Variants in ZER1 observed in about 807,000 individuals in gnomAD.
The protein encoded by ZER1 is zyg-11 related cell cycle regulator, also known as protein zer-1 homolog.
ZER1 carries 11 observed loss-of-function variants against 78.8 expected under a neutral mutation model. That is an observed-to-expected ratio of 0.14 (90% CI 0.09 to 0.23). The LOEUF (loss-of-function observed/expected upper bound fraction) is 0.23, where lower values mean the gene tolerates loss of function less well. Ranked by LOEUF, ZER1 falls within the 10% of genes least tolerant of loss-of-function variation. ZER1 has a pLI of 1.00. For synonymous variants in ZER1, 400 were observed against 407.0 expected (o/e 0.98, Z 0.21); for missense variants, 588 against 996.9 (o/e 0.59, Z 5.52).
Position 128,752,860 on chromosome 9 carries a change from G to C in ZER1, c.747-11C>G. The stretch of plus-strand genomic sequence containing the variant: ...GAGATGTCCAGGTGTCTGAAGATTG[G>C]GGTAGGGGGTGCAGGTTAGGAGCTG... On this transcript the variant is annotated splice_polypyrimidine_tract_variant and intron_variant, in intron 4 of 15. Coordinates refer to ENST00000291900, the MANE Select transcript of ZER1 (RefSeq NM_006336.4). 6.2e-7 allele frequency: 1 copy of C among 1,611,478 alleles called. No individual in the cohort carries two copies. Among genetic ancestry groups the C allele is most frequent in the Non-Finnish European group, 8.5e-7 (1 of 1,178,542 alleles).
chr9:128,756,349 G>A (rs1863858893), intron 1 of ZER1, among the ~76,000 whole-genome samples: 1 of 152,194 alleles, frequency 6.6e-6, no homozygotes, highest in Non-Finnish European at 1.5e-5. Context: ...GGGAGGCTGA[G>A]GCAGGAGAAT....
intron 1 of ZER1, among the ~76,000 whole-genome samples, chr9:128,765,832 G>A (rs1265985467): frequency 6.6e-6 from 1 of 152,180 alleles, no homozygotes; most frequent in African/African-American, 2.4e-5. Context: ...GACGCCACCT[G>A]GCTCTGAAAA....
In ZER1 at chr9:128,742,675, C is replaced by T. The variant is rs767251280; in HGVS notation, c.1430G>A (p.Arg477Gln). 8 of 1,614,058 alleles carry T rather than the reference C, an allele frequency of 5.0e-6. No homozygotes were observed. The highest frequency in any genetic ancestry group is 1.7e-5 in the Admixed American group (1 of 60,004). The change falls in exon 9 of 16, where the codon CGG becomes CAG. Residue 477 changes from arginine to glutamine, a missense_variant. Coordinates refer to ENST00000291900, the MANE Select transcript of ZER1 (RefSeq NM_006336.4). Reference protein sequence around the residue: ...IPEELEFQYRRVNELLLSILN... With the variant: ...IPEELEFQYRQVNELLLSILN... ...GATGCTGAGCAGGAGCTCGTTGACCCGGCGGTACTGGAATTCCAGCTCCTC... is the reference window on the plus strand; with the variant it reads ...GATGCTGAGCAGGAGCTCGTTGACCTGGCGGTACTGGAATTCCAGCTCCTC...
Position 128,750,736 on chromosome 9 carries a change from T to G in ZER1, c.1239A>C (p.Thr413=). The G allele has an allele frequency of 1.2e-6, 2 of 1,614,222 alleles. No homozygotes were observed. Among genetic ancestry groups the G allele is most frequent in the Non-Finnish European group, 1.7e-6 (2 of 1,180,038 alleles). ...CHKYDRNIQV[T]GSAALFYLTN... The stretch of plus-strand genomic sequence containing the variant: ...TTAGGTAGAAGAGAGCGGCGCTGCC[T>G]GTCACTTGAATGTTCCTGTCATATT... The change falls in exon 8 of 16, where the codon ACA becomes ACC. Residue 413 remains threonine, a synonymous_variant. Transcript: ENST00000291900.
intron 1 of ZER1, among the ~76,000 whole-genome samples, chr9:128,763,592 C>T (rs2096072): frequency 1.2e-3 from 179 of 152,346 alleles, no homozygotes; most frequent in Non-Finnish European, 1.9e-3. Flanking sequence ...GCGCCTGTCG[C>T]GTAACTGGGA....
chr9:128,745,288 G>A (rs1181418985), intron 8 of ZER1, among the ~76,000 whole-genome samples: 1 of 149,332 alleles, frequency 6.7e-6, no homozygotes, highest in East Asian at 2.0e-4. Context: ...CTGGGCTGAA[G>A]CAATCCTCCT....
intron 14 of ZER1, among the ~76,000 whole-genome samples, chr9:128,734,432 A>C (rs757099551): frequency 1.3e-5 from 2 of 151,292 alleles, no homozygotes; most frequent in Non-Finnish European, 2.9e-5. Context: ...CTTGGCCTCA[A>C]ATGATCTGCC....
chr9:128,753,505 G>A lies in ZER1; in HGVS notation c.405C>T (p.Ser135=). ...AGAAAATGTTTGTACAGCCGAAGAG[G>A]CTCAAGGACACCAGGGTGTGGCTGA... ...RSFSHTLVSL[S]LFGCTNIFYE... Residue 135 remains serine, a synonymous_variant, in exon 4 of 16, where the codon AGC becomes AGT. Transcript: ENST00000291900. The surrounding 1 kb of genome is among the most constrained non-coding windows in gnomAD (Gnocchi z 7.5). 6.2e-7 allele frequency: 1 copy of A among 1,614,128 alleles called. No individual in the cohort carries two copies. Among genetic ancestry groups the A allele is most frequent in the Non-Finnish European group, 8.5e-7 (1 of 1,180,034 alleles).
At chr9:128,766,008 T>G (rs1864194904) in intron 1 of ZER1, among the ~76,000 whole-genome samples, 1 of 152,202 alleles carries the variant, frequency 6.6e-6, no homozygotes, top group African/African-American at 2.4e-5. Flanking sequence ...GTTCTATTCT[T>G]GTAACCAAAT....
intron 1 of ZER1, among the ~76,000 whole-genome samples, chr9:128,771,207 C>T (rs947614771): frequency 1.3e-5 from 2 of 152,146 alleles, no homozygotes; most frequent in Non-Finnish European, 2.9e-5. Context: ...TGTTGGATTT[C>T]CCTATACTTT....
chr9:128,767,782 G>C (rs1161891359), intron 1 of ZER1, among the ~76,000 whole-genome samples: 2 of 152,126 alleles, frequency 1.3e-5, no homozygotes, highest in Non-Finnish European at 2.9e-5. Context: ...ACATGATCCA[G>C]TACTGCTGGT....
chr9:128,734,127 CAAA>C (rs1203049523), intron 14 of ZER1, among the ~76,000 whole-genome samples: 2,366 of 5,940 alleles, frequency 0.4, 469 homozygotes, highest in East Asian at 0.61. Flanking sequence ...AACTCCGTCT[CAAA>C]AAAAAAAAAA....
In ZER1 at chr9:128,750,660, T is replaced by C; in HGVS notation, c.1315A>G (p.Ile439Val). The change falls in exon 8 of 16, where the codon ATC (isoleucine) becomes GTC (valine). Residue 439 changes from isoleucine (I) to valine (V), a missense_variant. By Grantham distance (29) the Ile-to-Val change is conservative. Coordinates refer to ENST00000291900, the MANE Select transcript of ZER1 (RefSeq NM_006336.4). Reference protein sequence around the residue: ...EQSVKLRRQVIQVVLNGMESY... With the variant: ...EQSVKLRRQVVQVVLNGMESY... ...TCCATGCCATTCAGCACCACCTGGA[T>C]AACCTGCCGGCGCAGCTTCACACTC... is the stretch of plus-strand genomic sequence containing the variant. 4 of 1,614,226 alleles carry C rather than the reference T, an allele frequency of 2.5e-6. No individual in the cohort carries two copies. Among genetic ancestry groups the C allele is most frequent in the Non-Finnish European group, 3.4e-6 (4 of 1,180,038 alleles).
chr9:128,772,108 G>C (rs895881493), upstream of ZER1, among the ~76,000 whole-genome samples: 1 of 152,204 alleles, frequency 6.6e-6, no homozygotes, highest in Admixed American at 6.5e-5. Flanking sequence ...CAGGCCACCC[G>C]AGAGAACGCG....
intron 9 of ZER1, 122 bp from the exon 10 acceptor site, chr9:128,741,963 A>G (rs1863314365): frequency 7.7e-7 from 1 of 1,303,244 alleles, no homozygotes; most frequent in Non-Finnish European, 1.1e-6. Context: ...GACGAGATCA[A>G]GTCTCCCTAT....
At chr9:128,734,444 G>A (rs1022225235) in intron 14 of ZER1, among the ~76,000 whole-genome samples, 13 of 151,164 alleles carry the variant, frequency 8.6e-5, no homozygotes, top group Admixed American at 2.7e-4. Context: ...TGATCTGCCC[G>A]TCTCAGCCTC....
chr9:128,764,922 T>C (rs1864158956), intron 1 of ZER1, among the ~76,000 whole-genome samples: 2 of 151,950 alleles, frequency 1.3e-5, no homozygotes, highest in African/African-American at 4.8e-5. Flanking sequence ...TCCTGGGGAA[T>C]GAAGGAAGTG....
At chr9:128,741,751 C>T (rs772883391) in intron 10 of ZER1, 49 bp downstream of exon 10, 11 of 1,614,110 alleles carry the variant, frequency 6.8e-6, no homozygotes, top group Non-Finnish European at 3.4e-6. Context: ...GCCCAGGCCC[C>T]TTGCGAGGTG....
intron 13 of ZER1, among the ~76,000 whole-genome samples, chr9:128,739,447 A>G (rs1412707926): frequency 6.6e-6 from 1 of 151,290 alleles, no homozygotes; most frequent in East Asian, 2.0e-4. Context: ...GCTTGCAGTC[A>G]GCTGAGATTG....
Sources: allele counts gnomAD v4.1 joint callset (sites outside exome capture counted in the v4.1 genomes callset), GRCh38; gene constraint gnomAD v4.1.1; non-coding constraint Gnocchi (gnomAD v3.1); transcripts MANE v1.5; gene names NCBI Gene and HGNC (gene_info 2026-07-23, HGNC 2026-07-21).